Variants in SGCD observed in about 807,000 individuals in gnomAD.
The protein encoded by SGCD is sarcoglycan delta.
SGCD carries 18 observed loss-of-function variants against 36.6 expected under a neutral mutation model. That is an observed-to-expected ratio of 0.49 (90% CI 0.34 to 0.73). The LOEUF is 0.73. Among genes scored for constraint, SGCD ranks in the 30% least tolerant of loss-of-function variants. SGCD has a pLI of 0.01. For missense variants in SGCD, 387 were observed against 346.7 expected, an observed-to-expected ratio of 1.12 and a Z score of -0.92; for synonymous variants, 133 against 130.6, an observed-to-expected ratio of 1.02 and a Z score of -0.12.
intron 1 of SGCD, among the ~76,000 whole-genome samples, chr5:155,987,085 A>T (rs187955025): frequency 6.6e-6 from 1 of 152,348 alleles, no homozygotes; most frequent in Admixed American, 6.5e-5. Context: ...CATAGGAGAA[A>T]GTGGACTTGA....
chr5:155,835,872 G>A, the SGCD span, among the ~76,000 whole-genome samples: 1 of 152,090 alleles, frequency 6.6e-6, no homozygotes, highest in Non-Finnish European at 1.5e-5. Flanking sequence ...ATGAAATCCT[G>A]TGCCGTTCCC....
chr5:156,621,197 T>C (rs551933949), intron 6 of SGCD, among the ~76,000 whole-genome samples: 2 of 152,260 alleles, frequency 1.3e-5, no homozygotes, highest in East Asian at 1.9e-4. Context: ...AGTTAGATTT[T>C]TTTTCCCCCT....
At chr5:156,570,404 T>C (rs1330604266) in intron 4 of SGCD, among the ~76,000 whole-genome samples, 1 of 152,220 alleles carries the variant, frequency 6.6e-6, no homozygotes, top group Admixed American at 6.5e-5. Context: ...GAATCTATCA[T>C]TTTCTAATAG....
At chr5:156,310,356 TCTCTGTGATGATAGTCAGAACACAGA>T (rs1767359328) in intron 3 of SGCD, among the ~76,000 whole-genome samples, 1 of 152,222 alleles carries the variant, frequency 6.6e-6, no homozygotes, top group South Asian at 2.1e-4. Flanking sequence ...TTTGTCTGCA[TCTCTGTGATGATAGTCAGAACACAGA>T]CTTCTTGATA....
chr5:156,248,338 G>C (rs1262935137), intron 3 of SGCD, among the ~76,000 whole-genome samples: 1 of 152,098 alleles, frequency 6.6e-6, no homozygotes, highest in African/African-American at 2.4e-5. Flanking sequence ...TGGCCAACAT[G>C]GTGAAACCCC....
At chr5:156,101,040 T>C (rs1761505654) in intron 1 of SGCD, among the ~76,000 whole-genome samples, 1 of 152,104 alleles carries the variant, frequency 6.6e-6, no homozygotes, top group Non-Finnish European at 1.5e-5. Context: ...AGAAGAGACA[T>C]GAGAAAGATG....
the SGCD span, among the ~76,000 whole-genome samples, chr5:155,745,474 C>T: frequency 6.6e-6 from 1 of 151,920 alleles, no homozygotes; most frequent in Admixed American, 6.6e-5. Context: ...CTCTTTTTTT[C>T]CTCATCAATC....
chr5:155,739,043 T>C, the SGCD span, among the ~76,000 whole-genome samples: 2 of 152,184 alleles, frequency 1.3e-5, no homozygotes, highest in South Asian at 4.1e-4. Flanking sequence ...CATTTATGCA[T>C]GTTTTCAAGA....
chr5:156,619,461 C>T (rs1762159233), intron 6 of SGCD, among the ~76,000 whole-genome samples: 1 of 152,148 alleles, frequency 6.6e-6, no homozygotes, highest in South Asian at 2.1e-4. Flanking sequence ...TTTTTATTGT[C>T]AGAGTTTTCT....
At chr5:156,365,881 T>G (rs528063617) in intron 3 of SGCD, among the ~76,000 whole-genome samples, 8 of 149,470 alleles carry the variant, frequency 5.4e-5, no homozygotes, top group African/African-American at 1.7e-4. Flanking sequence ...CATTCATATA[T>G]GCATATACAT....
the SGCD span, among the ~76,000 whole-genome samples, chr5:155,830,183 T>C: frequency 6.6e-6 from 1 of 152,148 alleles, no homozygotes; most frequent in Non-Finnish European, 1.5e-5. Flanking sequence ...GGGTGGCCAA[T>C]ACAATAGAAA....
intron 1 of SGCD, among the ~76,000 whole-genome samples, chr5:156,104,720 A>G (rs1761603511): frequency 6.6e-6 from 1 of 152,220 alleles, no homozygotes; most frequent in African/African-American, 2.4e-5. Flanking sequence ...AAGTACTAAA[A>G]CAGTATAGCA....
chr5:155,804,319 G>A, the SGCD span, among the ~76,000 whole-genome samples: 1 of 152,146 alleles, frequency 6.6e-6, no homozygotes, highest in Admixed American at 6.6e-5. Flanking sequence ...GAGACTCAAA[G>A]GGGAAAACTG....
chr5:156,487,037 C>T (rs927622470), intron 3 of SGCD, among the ~76,000 whole-genome samples: 8 of 152,180 alleles, frequency 5.3e-5, no homozygotes, highest in African/African-American at 1.9e-4. Context: ...CACCTGGAGG[C>T]CTAAGGAGAA....
chr5:156,369,595 G>A (rs1372492128), intron 3 of SGCD, among the ~76,000 whole-genome samples: 1 of 152,128 alleles, frequency 6.6e-6, no homozygotes, highest in East Asian at 1.9e-4. Flanking sequence ...CTCCCTATTG[G>A]ATAATCCAAG....
At chr5:155,984,455 G>T (rs562772008) in intron 1 of SGCD, among the ~76,000 whole-genome samples, 1 of 152,294 alleles carries the variant, frequency 6.6e-6, no homozygotes, top group East Asian at 1.9e-4. Flanking sequence ...ATCATTTCAT[G>T]TACATGACCG....
chr5:156,440,829 A>G (rs188383834), intron 3 of SGCD, among the ~76,000 whole-genome samples: 2 of 152,226 alleles, frequency 1.3e-5, no homozygotes, highest in Admixed American at 1.3e-4. Flanking sequence ...TTAAGTTGTA[A>G]GAATTCTTTA....
chr5:155,832,703 GC>G, the SGCD span, among the ~76,000 whole-genome samples: 5 of 150,180 alleles, frequency 3.3e-5, no homozygotes, highest in East Asian at 9.8e-4. Flanking sequence ...TAATAGACAT[GC>G]AAAAAAAATT....
At chr5:156,685,113 G>A (rs1463429111) in intron 7 of SGCD, among the ~76,000 whole-genome samples, 1 of 152,126 alleles carries the variant, frequency 6.6e-6, no homozygotes, top group Non-Finnish European at 1.5e-5. Flanking sequence ...CACCTTGAAA[G>A]CAGAAGATTA....
Sources: gnomAD v4.1 joint callset for allele counts (sites outside exome capture counted in the v4.1 genomes callset) on GRCh38, gnomAD v4.1.1 for gene constraint, MANE v1.5 for transcripts, NCBI Gene and HGNC (gene_info 2026-07-23, HGNC 2026-07-21) for gene names.